USH2A: variants seen among roughly 807,000 people sequenced by gnomAD.
The protein encoded by USH2A is Usher syndrome 2A (autosomal recessive, mild).
In USH2A, 443 loss-of-function variants were observed where a neutral mutation model predicts 538.9. The ratio of observed to expected loss-of-function variants is 0.82; its 90% CI spans 0.76 to 0.89. The LOEUF (loss-of-function observed/expected upper bound fraction) is 0.89. Among genes scored for constraint, USH2A ranks in the 40% least tolerant of loss-of-function variants. The pLI is 0.00. For missense variants in USH2A, 6,633 were observed against 6,324.8 expected (o/e 1.05, Z -1.65); for synonymous variants, 2,413 against 2,273.5 (o/e 1.06, Z -1.75).
At chr1:215,707,714 C>A (rs980232392) in intron 61 of USH2A, among the ~76,000 whole-genome samples, 6 of 152,058 alleles carry the variant, frequency 3.9e-5, no homozygotes, top group African/African-American at 1.5e-4. Context: ...GTTCTAGGCA[C>A]TAAATGGAAA....
chr1:215,747,697 A>G (rs9430146), intron 58 of USH2A, among the ~76,000 whole-genome samples: 22,648 of 152,076 alleles, frequency 0.15, 1,852 homozygotes, highest in Non-Finnish European at 0.17. Flanking sequence ...TCAGTTTGCA[A>G]TTTGACCTTC....
chr1:215,657,956 G>GTC (rs1418819811), intron 64 of USH2A, among the ~76,000 whole-genome samples: 10 of 136,836 alleles, frequency 7.3e-5, no homozygotes, highest in African/African-American at 8.2e-5. Flanking sequence ...TTGAGACAGA[G>GTC]TCTCTCTCTC....
intron 32 of USH2A, among the ~76,000 whole-genome samples, chr1:216,025,829 A>T (rs1178759665): frequency 6.6e-6 from 1 of 152,050 alleles, no homozygotes; most frequent in African/African-American, 2.4e-5. Context: ...GGGATTTATG[A>T]TCTGCATCCT....
At chr1:215,712,287 T>C (rs1373757812) in intron 61 of USH2A, among the ~76,000 whole-genome samples, 4 of 152,228 alleles carry the variant, frequency 2.6e-5, no homozygotes, top group Non-Finnish European at 4.4e-5. Flanking sequence ...AGGAGGATGA[T>C]AGCATAGGTC....
intron 3 of USH2A, among the ~76,000 whole-genome samples, chr1:216,413,213 C>CAG (rs2039521067): frequency 6.6e-6 from 1 of 151,992 alleles, no homozygotes; most frequent in Non-Finnish European, 1.5e-5. Flanking sequence ...CACACACACA[C>CAG]AGAGTCAGAG....
intron 47 of USH2A, among the ~76,000 whole-genome samples, chr1:215,828,934 C>A (rs1663237366): frequency 6.6e-6 from 1 of 152,104 alleles, no homozygotes; most frequent in Admixed American, 6.6e-5. Context: ...TCTATCAAAG[C>A]CAGACCCAGC....
At chr1:216,323,274 TTTTATA>T (rs1297883731) in intron 8 of USH2A, among the ~76,000 whole-genome samples, 194 bp downstream of exon 8, 1 of 85,836 alleles carries the variant, frequency 1.2e-5, no homozygotes, top group African/African-American at 6.8e-5. Flanking sequence ...ATAAAATACG[TTTTATA>T]TATATATATA....
At chr1:215,882,265 G>A (rs1664930198) in intron 41 of USH2A, among the ~76,000 whole-genome samples, 1 of 152,200 alleles carries the variant, frequency 6.6e-6, no homozygotes, top group Non-Finnish European at 1.5e-5. Context: ...ACATAAGATT[G>A]CATAATTCTA....
In USH2A at chr1:215,647,633, C is replaced by T. The variant is rs369778428; in HGVS notation, c.14680G>A (p.Ala4894Thr). The change falls in exon 67 of 72, where the codon GCC (alanine) becomes ACC (threonine). Residue 4894 changes from alanine (A) to threonine (T), a missense_variant. Coordinates refer to ENST00000307340, the MANE Select transcript of USH2A (RefSeq NM_206933.4). ...TAGGGCTGGAGACCCCCAAGGCTGG[C>T]TTTCTGCCCCAGCCCCGTGTACTTT... is the stretch of plus-strand genomic sequence containing the variant. Reference protein sequence around the residue: ...ETKYTGLGQKASLGGLQPYTT... With the variant: ...ETKYTGLGQKTSLGGLQPYTT... 2.4e-5 allele frequency: 38 copies of T among 1,614,042 alleles called. No homozygotes were observed. The African/African-American group carries it at 4.7e-4, about 20-fold the overall frequency.
At chr1:216,173,870 T>TA (rs2034319843) in intron 21 of USH2A, 1 of 735,088 alleles carries the variant, frequency 1.4e-6, no homozygotes. Context: ...ATCAGGGAGG[T>TA]AGTTTCCATT....
chr1:215,984,674 C>T (rs940194142), intron 35 of USH2A, among the ~76,000 whole-genome samples: 22 of 152,196 alleles, frequency 1.4e-4, no homozygotes, highest in Non-Finnish European at 2.5e-4. Flanking sequence ...AAATTTAATA[C>T]AAGGTATCTC....
chr1:216,340,947 CCTT>C, intron 4 of USH2A, among the ~76,000 whole-genome samples: 1 of 152,242 alleles, frequency 6.6e-6, no homozygotes, highest in African/African-American at 2.4e-5. Context: ...GACAAGGATC[CCTT>C]CTTTCATCAT....
At position 215,790,090 on chromosome 1, in the gene USH2A, G is replaced by T. The variant is rs553202000; in HGVS notation, c.10151C>A (p.Ser3384Tyr). 24 of 1,612,730 alleles carry T rather than the reference G, an allele frequency of 1.5e-5. No individual in the cohort carries two copies. In the South Asian group the frequency reaches 2.3e-4, roughly 16 times the overall value. The change falls in exon 51 of 72, where the codon TCT (serine) becomes TAT (tyrosine). Residue 3384 changes from serine to tyrosine, a missense_variant. By Grantham distance (144) the Ser-to-Tyr change is moderately radical. Transcript: ENST00000307340. ...CATCATTCCAGTTGAAATCTTGTCA[G>T]AGCAAACATATTTCAAAGGATTATA... ...VGYNPLKYVC[S>Y]DKISTGMMMK...
At chr1:215,962,899 T>A (rs1667237681) in intron 37 of USH2A, among the ~76,000 whole-genome samples, 1 of 152,132 alleles carries the variant, frequency 6.6e-6, no homozygotes, top group Admixed American at 6.6e-5. Flanking sequence ...TTTTGTAAAG[T>A]TTTTAGTTCA....
At chr1:215,751,939 T>C (rs2102735196) in intron 58 of USH2A, among the ~76,000 whole-genome samples, 1 of 152,264 alleles carries the variant, frequency 6.6e-6, no homozygotes, top group East Asian at 1.9e-4. Flanking sequence ...AACTAAATAG[T>C]GAAGCCCATT....
intron 49 of USH2A, among the ~76,000 whole-genome samples, chr1:215,803,602 A>G (rs1445998399): frequency 6.6e-6 from 1 of 152,168 alleles, no homozygotes; most frequent in Non-Finnish European, 1.5e-5. Flanking sequence ...CTTCAAGGAG[A>G]ACTACAAAGC....
At chr1:216,374,628 C>A (rs2038783600) in intron 3 of USH2A, among the ~76,000 whole-genome samples, 2 of 152,134 alleles carry the variant, frequency 1.3e-5, no homozygotes, top group South Asian at 4.1e-4. Flanking sequence ...ATTAAAAATT[C>A]AATATATGCT....
At chr1:215,867,369 C>T (rs902210455) in intron 43 of USH2A, among the ~76,000 whole-genome samples, 199 bp from the exon 44 acceptor site, 2 of 152,070 alleles carry the variant, frequency 1.3e-5, no homozygotes, top group Non-Finnish European at 2.9e-5. Context: ...TGTGACTTGC[C>T]AGCATAAACC....
rs116670464 is a variant in USH2A at position 216,137,163 on chromosome 1, T to C, written c.4627+38089A>G. Among the ~76,000 whole-genome samples, 605 of 152,302 alleles carry C rather than the reference T, an allele frequency of 4.0e-3. 5 individuals carry two copies. The highest frequency in any genetic ancestry group is 0.014 in the African/African-American group (569 of 41,560). Reference sequence around the variant, plus strand: ...GACTTAAAATTGCTGACCCAATTCTTAGAAAACCCTTTGGTGGCATGCAAA... The same window carrying C: ...GACTTAAAATTGCTGACCCAATTCTCAGAAAACCCTTTGGTGGCATGCAAA... On this transcript the variant is annotated intron_variant, in intron 21 of 71. Transcript: ENST00000307340.
Sources: gnomAD v4.1 joint callset for allele counts (sites outside exome capture counted in the v4.1 genomes callset) on GRCh38, gnomAD v4.1.1 for gene constraint, MANE v1.5 for transcripts, NCBI Gene and HGNC (gene_info 2026-07-23, HGNC 2026-07-21) for gene names.